The following AOAH variants were observed in gnomAD, a reference collection of about 807,000 sequenced individuals.
AOAH encodes the protein acyloxyacyl hydrolase.
AOAH carries 64 observed loss-of-function variants against 92.2 expected under a neutral mutation model. The ratio of observed to expected loss-of-function variants is 0.69; its 90% CI spans 0.57 to 0.86. The LOEUF (loss-of-function observed/expected upper bound fraction) is 0.86. AOAH is among the 40% of genes least tolerant of loss of function. AOAH has a pLI of 0.00. For missense variants in AOAH, 656 were observed against 694.6 expected, an observed-to-expected ratio of 0.94 and a Z score of 0.62; for synonymous variants, 263 against 254.5, an observed-to-expected ratio of 1.03 and a Z score of -0.32.
chr7:36,569,133 T>A (rs1787916522), intron 13 of AOAH, among the ~76,000 whole-genome samples: 1 of 152,240 alleles, frequency 6.6e-6, no homozygotes, highest in South Asian at 2.1e-4. Context: ...CCCCTCACTG[T>A]ATGAACAGAA....
intron 19 of AOAH, among the ~76,000 whole-genome samples, chr7:36,525,582 T>C (rs1031955451): frequency 7.9e-5 from 12 of 152,216 alleles, no homozygotes; most frequent in Non-Finnish European, 1.3e-4. Context: ...GAGTTAGTGA[T>C]GCAGGTTGAG....
intron 4 of AOAH, among the ~76,000 whole-genome samples, chr7:36,651,430 A>G (rs78117564): frequency 0.013 from 1,942 of 152,306 alleles, 21 homozygotes; most frequent in Middle Eastern, 0.031. Context: ...AAAAAAAGAT[A>G]ACTTATTAGG....
chr7:36,540,407 G>A lies in AOAH; in HGVS notation c.1218C>T (p.His406=), dbSNP rs768945280. ...AAATAACATGGCTGCCATTGGGCAG[G>A]TGGGAATTTAGATGCTTCAGAGTCT... The part of the protein sequence containing the change: ...VMQTLKHLNS[H]LPNGSHVILY... Residue 406 remains histidine, a synonymous_variant, in exon 16 of 21, where the codon CAC becomes CAT. Transcript: ENST00000617537. The A allele has an allele frequency of 3.7e-6, 6 of 1,614,128 alleles. No individual in the cohort carries two copies. Among genetic ancestry groups the A allele is most frequent in the Admixed American group, 1.7e-5 (1 of 60,028 alleles).
At chr7:36,637,302 T>C (rs1338066454) in intron 5 of AOAH, among the ~76,000 whole-genome samples, 2 of 152,172 alleles carry the variant, frequency 1.3e-5, no homozygotes, top group Admixed American at 1.3e-4. Flanking sequence ...GTACTGACAC[T>C]GGAGGACGCT....
chr7:36,540,644 T>C (rs1341618722), intron 15 of AOAH, among the ~76,000 whole-genome samples, 153 bp from the exon 16 acceptor site: 2 of 152,216 alleles, frequency 1.3e-5, no homozygotes, highest in Non-Finnish European at 2.9e-5. Flanking sequence ...ATTCCTGGAT[T>C]TCCACCTTTC....
At chr7:36,598,624 C>G (rs1790314118) in intron 11 of AOAH, among the ~76,000 whole-genome samples, 1 of 152,108 alleles carries the variant, frequency 6.6e-6, no homozygotes, top group Non-Finnish European at 1.5e-5. Flanking sequence ...TGAACTGTCC[C>G]AGGTTTAAGA....
intron 11 of AOAH, among the ~76,000 whole-genome samples, chr7:36,599,076 C>T (rs909607744): frequency 6.6e-6 from 1 of 152,170 alleles, no homozygotes; most frequent in Non-Finnish European, 1.5e-5. Flanking sequence ...TTTCTTCTGA[C>T]CTTTATCAAT....
At chr7:36,517,860 C>G (rs1279679791) in intron 20 of AOAH, among the ~76,000 whole-genome samples, 1 of 151,858 alleles carries the variant, frequency 6.6e-6, no homozygotes, top group East Asian at 1.9e-4. Context: ...CTCGACCACC[C>G]AAAGTGCTAG....
chr7:36,674,663 T>G (rs2116664864), intron 2 of AOAH, among the ~76,000 whole-genome samples: 1 of 152,364 alleles, frequency 6.6e-6, no homozygotes, highest in East Asian at 1.9e-4. Context: ...TTCTCCAGTT[T>G]GTGAGTCTAT....
At chr7:36,676,360 A>C (rs549315802) in intron 2 of AOAH, among the ~76,000 whole-genome samples, 182 of 152,374 alleles carry the variant, frequency 1.2e-3, no homozygotes, top group Non-Finnish European at 1.9e-3. Flanking sequence ...TTCCATTTAC[A>C]GTAGCATCAA....
At chr7:36,653,248 C>T (rs974718998) in intron 4 of AOAH, among the ~76,000 whole-genome samples, 6 of 152,140 alleles carry the variant, frequency 3.9e-5, no homozygotes, top group Admixed American at 3.9e-4. Context: ...TTAGTGATTA[C>T]AGAATCTCAG....
At chr7:36,624,553 T>G (rs1792500260) in intron 6 of AOAH, among the ~76,000 whole-genome samples, 1 of 152,226 alleles carries the variant, frequency 6.6e-6, no homozygotes, top group Admixed American at 6.5e-5. Context: ...TCTATACTTT[T>G]GGGGCTGGGA....
intron 11 of AOAH, among the ~76,000 whole-genome samples, chr7:36,604,685 A>G (rs942278511): frequency 1.3e-5 from 2 of 152,210 alleles, no homozygotes; most frequent in African/African-American, 4.8e-5. Flanking sequence ...CTCAGACCCC[A>G]GGATGGAAGC....
chr7:36,594,480 A>T (rs1789969744), intron 11 of AOAH, 50 bp from the exon 12 acceptor site: 1 of 1,483,134 alleles, frequency 6.7e-7, no homozygotes, highest in Non-Finnish European at 9.4e-7. Flanking sequence ...TTTATTTTCT[A>T]AAGGTAGTAA....
chr7:36,602,902 T>C (rs998244948), intron 11 of AOAH, among the ~76,000 whole-genome samples: 5 of 152,202 alleles, frequency 3.3e-5, no homozygotes, highest in African/African-American at 1.2e-4. Context: ...TGATCTCATT[T>C]TCTTTCTCTC....
At chr7:36,519,719 C>A (rs1784012484) in intron 20 of AOAH, among the ~76,000 whole-genome samples, 1 of 152,134 alleles carries the variant, frequency 6.6e-6, no homozygotes, top group Non-Finnish European at 1.5e-5. Flanking sequence ...CGTGAGCCAC[C>A]ACACCTGGCC....
chr7:36,541,793 T>C (rs1785442047), intron 15 of AOAH, among the ~76,000 whole-genome samples: 1 of 152,232 alleles, frequency 6.6e-6, no homozygotes, highest in Admixed American at 6.5e-5. Context: ...GTTCATTTCT[T>C]TGTACAATTG....
At chr7:36,544,516 C>T (rs1002560045) in intron 15 of AOAH, among the ~76,000 whole-genome samples, 36 of 152,070 alleles carry the variant, frequency 2.4e-4, no homozygotes, top group Non-Finnish European at 4.7e-4. Flanking sequence ...GCGAGCTCAC[C>T]CCAGACACTC....
rs143529509 is a variant in AOAH at position 36,575,847 on chromosome 7, T to A, written c.1021+727A>T. Among the ~76,000 whole-genome samples, 27 of 152,344 alleles carry A rather than the reference T, an allele frequency of 1.8e-4. 1 individual carries two copies. Among genetic ancestry groups the A allele is most frequent in the African/African-American group, 5.8e-4 (24 of 41,582 alleles). ...CACAGGGATGGCAAATAGGTTTAAC[T>A]TCATGTGCCAAGCCTAATTTGTTGA... On this transcript the variant is annotated intron_variant, in intron 13 of 20. Transcript: ENST00000617537.
Sources: allele counts gnomAD v4.1 joint callset (sites outside exome capture counted in the v4.1 genomes callset), GRCh38; gene constraint gnomAD v4.1.1; transcripts MANE v1.5; gene names NCBI Gene and HGNC (gene_info 2026-07-23, HGNC 2026-07-21).